Variants in SRGAP1 observed in about 807,000 individuals in gnomAD.
The protein encoded by SRGAP1 is SLIT-ROBO Rho GTPase-activating protein 1.
Under a neutral mutation model 121.9 loss-of-function variants are expected in SRGAP1, and 43 were observed. The observed-to-expected ratio is 0.35, with a 90% CI of 0.28 to 0.46. The LOEUF (loss-of-function observed/expected upper bound fraction) is 0.46. SRGAP1 is among the 20% of genes least tolerant of loss of function. SRGAP1 has a pLI of 1.00. For synonymous variants in SRGAP1, 447 were observed against 485.4 expected (o/e 0.92, Z 1.04); for missense variants, 1,102 against 1,350.9 (o/e 0.82, Z 2.89).
chr12:64,013,353 T>C (rs559460857), intron 3 of SRGAP1, among the ~76,000 whole-genome samples: 109 of 152,342 alleles, frequency 7.2e-4, no homozygotes, highest in African/African-American at 2.5e-3. Flanking sequence ...CCCAAGTATC[T>C]GTGAATACAA....
At chr12:64,099,448 TG>T (rs1350989586) in intron 15 of SRGAP1, among the ~76,000 whole-genome samples, 5 of 152,100 alleles carry the variant, frequency 3.3e-5, no homozygotes, top group Non-Finnish European at 7.3e-5. Context: ...ATAGATGAAA[TG>T]AATTGAAAAG....
chr12:64,051,548 A>G (rs942804356), intron 6 of SRGAP1, among the ~76,000 whole-genome samples: 16 of 152,328 alleles, frequency 1.1e-4, no homozygotes, highest in African/African-American at 2.4e-4. Flanking sequence ...ATCAGTTTAC[A>G]TATGTGTCAT....
chr12:64,049,647 T>C (rs1340933345), intron 6 of SRGAP1, among the ~76,000 whole-genome samples: 1 of 152,198 alleles, frequency 6.6e-6, no homozygotes, highest in African/African-American at 2.4e-5. Flanking sequence ...ACCATATCAA[T>C]GTTCCTGGCA....
At chr12:63,963,875 C>T (rs1230514133) in intron 1 of SRGAP1, among the ~76,000 whole-genome samples, 2 of 152,090 alleles carry the variant, frequency 1.3e-5, no homozygotes, top group Non-Finnish European at 2.9e-5. Context: ...AATTAAATCA[C>T]CCAGTATACC....
intron 1 of SRGAP1, among the ~76,000 whole-genome samples, chr12:63,912,597 G>C (rs1279343196): frequency 1.3e-5 from 2 of 150,210 alleles, no homozygotes; most frequent in African/African-American, 4.9e-5. Flanking sequence ...CTGGGTGATG[G>C]AACAAGACTC....
chr12:63,991,470 G>A (rs543503496), intron 3 of SRGAP1, among the ~76,000 whole-genome samples: 1 of 152,214 alleles, frequency 6.6e-6, no homozygotes, highest in East Asian at 1.9e-4. Flanking sequence ...TCAAACAAAG[G>A]AGAAACTTTA....
chr12:63,993,672 T>C (rs2033618253), intron 3 of SRGAP1, among the ~76,000 whole-genome samples: 1 of 152,192 alleles, frequency 6.6e-6, no homozygotes, highest in South Asian at 2.1e-4. Context: ...TTATTCTGTC[T>C]GATAAGGAGT....
At chr12:63,935,381 C>G (rs941693559) in intron 1 of SRGAP1, among the ~76,000 whole-genome samples, 3 of 152,132 alleles carry the variant, frequency 2.0e-5, no homozygotes, top group Admixed American at 1.3e-4. Flanking sequence ...TAACCACTTA[C>G]TCCAACACTT....
intron 4 of SRGAP1, among the ~76,000 whole-genome samples, chr12:64,041,256 A>G (rs2035013924): frequency 6.6e-6 from 1 of 152,136 alleles, no homozygotes; most frequent in Non-Finnish European, 1.5e-5. Flanking sequence ...ATGATATAGG[A>G]AAATATGCTG....
At chr12:63,927,247 G>A (rs554125953) in intron 1 of SRGAP1, among the ~76,000 whole-genome samples, 2 of 152,250 alleles carry the variant, frequency 1.3e-5, no homozygotes, top group Admixed American at 1.3e-4. Flanking sequence ...TAGAACTTGC[G>A]CTTTGTAAGC....
chr12:63,890,992 A>C (rs1268877439), intron 1 of SRGAP1, among the ~76,000 whole-genome samples: 1 of 152,124 alleles, frequency 6.6e-6, no homozygotes, highest in East Asian at 1.9e-4. Context: ...GGGAGGAGGT[A>C]ATGGCCCTGC....
At chr12:63,881,669 A>G (rs1015249423) in intron 1 of SRGAP1, among the ~76,000 whole-genome samples, 2 of 152,236 alleles carry the variant, frequency 1.3e-5, no homozygotes, top group Non-Finnish European at 2.9e-5. Flanking sequence ...ACTTTTTATC[A>G]TCACTTGATG....
At chr12:63,966,329 A>T (rs926253387) in intron 1 of SRGAP1, among the ~76,000 whole-genome samples, 1 of 152,178 alleles carries the variant, frequency 6.6e-6, no homozygotes, top group Non-Finnish European at 1.5e-5. Flanking sequence ...TTCTAATTTA[A>T]TCCTCACAAC....
chr12:64,104,706 A>ATTTGC (rs777365919), intron 15 of SRGAP1, among the ~76,000 whole-genome samples: 97 of 152,276 alleles, frequency 6.4e-4, no homozygotes, highest in Non-Finnish European at 1.2e-3. Context: ...AGACGAACAG[A>ATTTGC]TTTGCTACTA....
rs1592346801 is a variant in SRGAP1 at position 64,127,583 on chromosome 12, G to A, written c.2406-7G>A. On this transcript the variant is annotated splice_polypyrimidine_tract_variant and splice_region_variant and intron_variant, in intron 19 of 21. Coordinates refer to ENST00000355086, the MANE Select transcript of SRGAP1 (RefSeq NM_020762.4). ...AAATTTTGTCTCCATTCCTCTTACT[G>A]CTTCAGGGATGATACGTTTTCAGAC... is the stretch of plus-strand genomic sequence containing the variant. The A allele has an allele frequency of 1.2e-6, 2 of 1,608,846 alleles. No individual in the cohort carries two copies. Among genetic ancestry groups the A allele is most frequent in the Non-Finnish European group, 1.7e-6 (2 of 1,177,250 alleles).
At chr12:63,936,773 A>G (rs1035361196) in intron 1 of SRGAP1, among the ~76,000 whole-genome samples, 2 of 152,188 alleles carry the variant, frequency 1.3e-5, no homozygotes, top group African/African-American at 4.8e-5. Context: ...CAATTCTACA[A>G]TTTGCTAACT....
At chr12:64,071,243 A>G (rs1008819117) in intron 8 of SRGAP1, among the ~76,000 whole-genome samples, 6 of 152,226 alleles carry the variant, frequency 3.9e-5, no homozygotes, top group African/African-American at 1.4e-4. Flanking sequence ...AGAGAAATGA[A>G]GAGAATTTCT....
chr12:64,041,726 G>A (rs2035028838), intron 4 of SRGAP1, among the ~76,000 whole-genome samples: 1 of 151,814 alleles, frequency 6.6e-6, no homozygotes, highest in Non-Finnish European at 1.5e-5. Context: ...ACAGTAGCCA[G>A]CCATATATGG....
At chr12:63,857,327 C>T (rs1592887052) in intron 1 of SRGAP1, among the ~76,000 whole-genome samples, 1 of 151,888 alleles carries the variant, frequency 6.6e-6, no homozygotes, top group Non-Finnish European at 1.5e-5. Context: ...GATTCACCCA[C>T]CTTGGCCTCC....
Sources: allele counts gnomAD v4.1 joint callset (sites outside exome capture counted in the v4.1 genomes callset), GRCh38; gene constraint gnomAD v4.1.1; transcripts MANE v1.5; gene names NCBI Gene and HGNC (gene_info 2026-07-23, HGNC 2026-07-21).